PLCB4: variants seen among roughly 807,000 people sequenced by gnomAD.
PLCB4 encodes phospholipase C beta 4, also known as 1-phosphatidylinositol 4,5-bisphosphate phosphodiesterase beta-4.
A neutral mutation model predicts 178.8 loss-of-function variants in PLCB4; 77 were observed. The ratio of observed to expected loss-of-function variants is 0.43; its 90% CI spans 0.36 to 0.52. The LOEUF is 0.52. Ranked by LOEUF, PLCB4 falls within the 20% of genes least tolerant of loss-of-function variation. PLCB4 has a pLI of 0.00. For missense variants in PLCB4, 1,024 were observed against 1,453.4 expected, an observed-to-expected ratio of 0.70 and a Z score of 4.80; for synonymous variants, 496 against 490.8, an observed-to-expected ratio of 1.01 and a Z score of -0.14.
intron 1 of PLCB4, among the ~76,000 whole-genome samples, 181 bp downstream of exon 1, chr20:9,069,387 A>G (rs1340673107): frequency 6.6e-6 from 1 of 152,096 alleles, no homozygotes; most frequent in Non-Finnish European, 1.5e-5. Flanking sequence ...CAGGGGACCC[A>G]GACGCCATCC....
intron 4 of PLCB4, among the ~76,000 whole-genome samples, chr20:9,309,933 C>T (rs1422485846): frequency 1.3e-5 from 2 of 152,218 alleles, no homozygotes; most frequent in East Asian, 1.9e-4. Flanking sequence ...AAGAAAAGAA[C>T]CCTTGAACAA....
At chr20:9,280,961 AAAAG>A (rs1401011980) in intron 3 of PLCB4, among the ~76,000 whole-genome samples, 2 of 151,992 alleles carry the variant, frequency 1.3e-5, no homozygotes, top group Non-Finnish European at 2.9e-5. Flanking sequence ...AAAAAAAAAA[AAAAG>A]AGGTATACCA....
At chr20:9,187,399 C>G (rs1472821111) in intron 2 of PLCB4, among the ~76,000 whole-genome samples, 1 of 152,210 alleles carries the variant, frequency 6.6e-6, no homozygotes, top group African/African-American at 2.4e-5. Context: ...ATGACACTGT[C>G]TGTGTACCTC....
intron 10 of PLCB4, 150 bp from the exon 11 acceptor site, chr20:9,372,153 G>A (rs2036303109): frequency 1.8e-6 from 1 of 571,004 alleles, no homozygotes; most frequent in Admixed American, 3.5e-5. Flanking sequence ...GGCAGTGCCT[G>A]GAAGTTGGCC....
intron 1 of PLCB4, among the ~76,000 whole-genome samples, chr20:9,074,231 C>G (rs887920986): frequency 1.3e-5 from 2 of 152,162 alleles, no homozygotes; most frequent in African/African-American, 4.8e-5. Context: ...GGCAAAAGTG[C>G]TTGGTGCTGC....
At chr20:9,085,415 G>C (rs947175065) in intron 1 of PLCB4, among the ~76,000 whole-genome samples, 15 of 152,196 alleles carry the variant, frequency 9.9e-5, no homozygotes, top group African/African-American at 3.6e-4. Context: ...CTAGCACGTA[G>C]TAGGCTTTTA....
At chr20:9,452,908 T>A (rs1653406561) in intron 32 of PLCB4, among the ~76,000 whole-genome samples, 1 of 152,178 alleles carries the variant, frequency 6.6e-6, no homozygotes, top group African/African-American at 2.4e-5. Context: ...ACATGATGAA[T>A]AGTTACATTT....
chr20:9,276,383 A>C (rs1003555166), intron 3 of PLCB4, among the ~76,000 whole-genome samples: 5 of 151,966 alleles, frequency 3.3e-5, no homozygotes, highest in Non-Finnish European at 7.4e-5. Flanking sequence ...ATGGGCCAGG[A>C]CTCAGGTGTG....
intron 3 of PLCB4, among the ~76,000 whole-genome samples, chr20:9,251,816 T>G (rs777739266): frequency 2.0e-5 from 3 of 152,206 alleles, no homozygotes; most frequent in Non-Finnish European, 4.4e-5. Context: ...AATTTAACAT[T>G]TCCTAATGGC....
At chr20:9,398,874 C>T (rs1271515429) in intron 19 of PLCB4, among the ~76,000 whole-genome samples, 1 of 152,098 alleles carries the variant, frequency 6.6e-6, no homozygotes. Flanking sequence ...GATCCCACAG[C>T]GGGCAACCGA....
intron 2 of PLCB4, among the ~76,000 whole-genome samples, chr20:9,106,654 A>G (rs1437152486): frequency 6.6e-6 from 1 of 152,272 alleles, no homozygotes; most frequent in Non-Finnish European, 1.5e-5. Flanking sequence ...TCAGTGGACC[A>G]GTCAGGAACA....
chr20:9,173,227 T>C (rs550426069), intron 2 of PLCB4, among the ~76,000 whole-genome samples: 155 of 152,332 alleles, frequency 1.0e-3, no homozygotes, highest in African/African-American at 3.3e-3. Context: ...CATCGCATGA[T>C]TGGACCTACT....
intron 3 of PLCB4, among the ~76,000 whole-genome samples, chr20:9,274,898 C>G (rs1295407126): frequency 6.6e-6 from 1 of 151,916 alleles, no homozygotes; most frequent in Non-Finnish European, 1.5e-5. Flanking sequence ...CCTCTTTGTC[C>G]CTTTTCATTT....
chr20:9,318,180 G>T (rs1001145850), intron 4 of PLCB4, among the ~76,000 whole-genome samples: 2 of 151,954 alleles, frequency 1.3e-5, no homozygotes, highest in African/African-American at 4.8e-5. Flanking sequence ...AAAAATAAAA[G>T]AGTTTAATAG....
intron 25 of PLCB4, among the ~76,000 whole-genome samples, chr20:9,413,336 G>A (rs1050367691): frequency 9.9e-5 from 15 of 152,034 alleles, no homozygotes; most frequent in African/African-American, 2.9e-4. Context: ...CTGACGGCTC[G>A]GCCCAGTGGC....
chr20:9,251,960 G>A lies in PLCB4; in HGVS notation c.-16+34508G>A, dbSNP rs193262332. On this transcript the variant is annotated intron_variant, in intron 3 of 39. Coordinates refer to ENST00000378473, the MANE Select transcript of PLCB4 (RefSeq NM_001377142.1). Reference sequence around the variant, plus strand: ...TTGTCAGCGAGATATTTTATAATCTGTTTCTTCAAAGTCTTTGAAATTAAG... The same window carrying A: ...TTGTCAGCGAGATATTTTATAATCTATTTCTTCAAAGTCTTTGAAATTAAG... 2.3e-3 allele frequency among the ~76,000 whole-genome samples: 343 copies of A among 152,176 alleles called. 1 individual carries two copies. Among genetic ancestry groups the A allele is most frequent in the Admixed American group, 3.7e-3 (57 of 15,274 alleles).
chr20:9,373,262 C>T (rs758435203), intron 12 of PLCB4, among the ~76,000 whole-genome samples, 158 bp downstream of exon 12: 2 of 152,148 alleles, frequency 1.3e-5, no homozygotes, highest in African/African-American at 2.4e-5. Context: ...AATCAGCTGC[C>T]GCCCTGTGTG....
chr20:9,194,848 A>G (rs2093451077), intron 2 of PLCB4, among the ~76,000 whole-genome samples: 1 of 152,184 alleles, frequency 6.6e-6, no homozygotes, highest in Admixed American at 6.5e-5. Context: ...TTATGAGAAG[A>G]CATTTGTTTG....
chr20:9,321,952 C>CTTTTTT (rs746419205), intron 4 of PLCB4, among the ~76,000 whole-genome samples: 53 of 140,096 alleles, frequency 3.8e-4, no homozygotes, highest in South Asian at 1.6e-3. Context: ...TTTTCTTTTT[C>CTTTTTT]TTTTTTTTTT....
Sources: gnomAD v4.1 joint callset for allele counts (sites outside exome capture counted in the v4.1 genomes callset) on GRCh38, gnomAD v4.1.1 for gene constraint, MANE v1.5 for transcripts, NCBI Gene and HGNC (gene_info 2026-07-23, HGNC 2026-07-21) for gene names.